The following WDR47 variants were observed in gnomAD, a reference collection of about 807,000 sequenced individuals.
WDR47 encodes WD repeat domain 47.
Under a neutral mutation model 97.2 loss-of-function variants are expected in WDR47, and 32 were observed. The observed-to-expected ratio is 0.33, with a 90% CI of 0.25 to 0.44. The LOEUF is 0.44. Among genes scored for constraint, WDR47 ranks in the 20% least tolerant of loss-of-function variants. The pLI, the probability that WDR47 is intolerant of heterozygous loss-of-function variation, is 1.00. For missense variants in WDR47, 782 were observed against 1,102.3 expected (o/e 0.71, Z 4.11); for synonymous variants, 375 against 373.5 (o/e 1.00, Z -0.05).
chr1:109,025,449 A>T (rs1017849622), intron 1 of WDR47, among the ~76,000 whole-genome samples: 2 of 121,720 alleles, frequency 1.6e-5, no homozygotes, highest in Admixed American at 8.4e-5. Flanking sequence ...AAAAAAAAAA[A>T]AGAAGGCTGG....
chr1:109,039,544 C>A (rs931093265), intron 1 of WDR47, among the ~76,000 whole-genome samples: 3 of 152,348 alleles, frequency 2.0e-5, no homozygotes, highest in African/African-American at 2.4e-5. Flanking sequence ...TGGCACAAGC[C>A]ACCACGCCCA....
At chr1:109,031,795 CTTT>C (rs56318868) in intron 1 of WDR47, among the ~76,000 whole-genome samples, 18 of 78,360 alleles carry the variant, frequency 2.3e-4, no homozygotes, top group Admixed American at 3.4e-4. Flanking sequence ...ATCTTTCTTT[CTTT>C]TTTTTTTTTT....
intron 1 of WDR47, among the ~76,000 whole-genome samples, chr1:109,032,821 C>T (rs1255061828): frequency 6.6e-6 from 1 of 151,780 alleles, no homozygotes; most frequent in Non-Finnish European, 1.5e-5. Context: ...TGCTTGAACC[C>T]GGGAGGTGGA....
At chr1:109,035,222 G>A (rs1427682183) in intron 1 of WDR47, among the ~76,000 whole-genome samples, 2 of 148,990 alleles carry the variant, frequency 1.3e-5, no homozygotes, top group East Asian at 4.0e-4. Context: ...CTCCAGCCTG[G>A]GCAAAAGAGT....
Position 109,011,359 on chromosome 1 carries a change from G to A in WDR47, c.687C>T (p.Ile229=), listed in dbSNP as rs776993780. Residue 229 remains isoleucine, a synonymous_variant, in exon 5 of 15, where the codon ATC becomes ATT. Transcript: ENST00000369962. ...EITESEVLLG[I]DLLCGNGCDD... ...CACAACCATTACCACATAAGAGGTCGATGCCAAGAAGCACTTCGCTTTCTG... is the reference window on the plus strand; with the variant it reads ...CACAACCATTACCACATAAGAGGTCAATGCCAAGAAGCACTTCGCTTTCTG... 2.1e-5 allele frequency: 34 copies of A among 1,614,076 alleles called. No individual in the cohort carries two copies. Among genetic ancestry groups the A allele is most frequent in the Middle Eastern group, 1.6e-4 (1 of 6,084 alleles).
At chr1:108,983,242 C>T in intron 11 of WDR47, 40 bp downstream of exon 11, 1 of 1,537,538 alleles carries the variant, frequency 6.5e-7, no homozygotes, top group East Asian at 2.4e-5. Flanking sequence ...ATAACATATA[C>T]ACTGGTAAGC....
rs182136164 is a variant in WDR47 at position 108,974,451 on chromosome 1, T to C, written c.2617+85A>G. ...CTATAAAATAATTGAAAGTATTATA[T>C]AATCAACCACATCACATTAACAAAA... On this transcript the variant is annotated intron_variant, in intron 14 of 14. Transcript: ENST00000369962. 2.9e-6 allele frequency: 3 copies of C among 1,032,190 alleles called. No individual in the cohort carries two copies. The East Asian group carries it at 7.8e-5, about 27-fold the overall frequency. 63.9% of individuals were successfully genotyped at this position (1,032,190 alleles called of 1,614,324 possible).
rs561357294 is a variant in WDR47 at position 108,975,577 on chromosome 1, C to T, written c.2399-823G>A. 3.3e-5 allele frequency among the ~76,000 whole-genome samples: 5 copies of T among 151,088 alleles called. No individual in the cohort carries two copies. The East Asian group carries it at 9.7e-4, about 29-fold the overall frequency. On this transcript the variant is annotated intron_variant, in intron 13 of 14. Transcript: ENST00000369962. Reference sequence around the variant, plus strand: ...CGGAGGTTGCAGTGAGCTGAGATTGCGCCACTGCACTCCAACCTGGGCGAC... The same window carrying T: ...CGGAGGTTGCAGTGAGCTGAGATTGTGCCACTGCACTCCAACCTGGGCGAC...
At chr1:108,971,880 G>A (rs771484904) in intron 14 of WDR47, among the ~76,000 whole-genome samples, 5 of 151,896 alleles carry the variant, frequency 3.3e-5, no homozygotes, top group Admixed American at 1.3e-4. Flanking sequence ...TCTTCTTGAC[G>A]TAAAGCTTGG....
chr1:108,975,012 C>CTA (rs1420118283), intron 13 of WDR47, among the ~76,000 whole-genome samples: 2 of 152,094 alleles, frequency 1.3e-5, no homozygotes, highest in Non-Finnish European at 2.9e-5. Context: ...ACAGCATCAC[C>CTA]TATAGTGCAA....
In WDR47 at chr1:109,010,624, C is replaced by T. The variant is rs1337115488; in HGVS notation, c.1130+292G>A. On this transcript the variant is annotated intron_variant, in intron 5 of 14. Transcript: ENST00000369962. Reference sequence around the variant, plus strand: ...TTGAGTCGGAGTCTCACTCTGTGGCCCAGGCCAGAGTGCAATGGCGTGATC... The same window carrying T: ...TTGAGTCGGAGTCTCACTCTGTGGCTCAGGCCAGAGTGCAATGGCGTGATC... Among the ~76,000 whole-genome samples, 4 of 149,780 alleles carry T rather than the reference C, an allele frequency of 2.7e-5. No homozygotes were observed. In the South Asian group the frequency reaches 8.5e-4, roughly 32 times the overall value.
At chr1:108,971,840 T>G (rs1657478524) in intron 14 of WDR47, among the ~76,000 whole-genome samples, 1 of 152,158 alleles carries the variant, frequency 6.6e-6, no homozygotes, top group Non-Finnish European at 1.5e-5. Flanking sequence ...CTGATTTCAG[T>G]GCCACTTCAT....
At chr1:108,985,579 A>G (rs1429679421) in intron 10 of WDR47, among the ~76,000 whole-genome samples, 2 of 152,340 alleles carry the variant, frequency 1.3e-5, no homozygotes, top group South Asian at 2.1e-4. Context: ...GCCAATAAAC[A>G]TGTTTGTTTT....
At chr1:109,004,522 T>C in intron 6 of WDR47, 70 bp downstream of exon 6, 1 of 1,482,662 alleles carries the variant, frequency 6.7e-7, no homozygotes, top group Non-Finnish European at 9.0e-7. Flanking sequence ...TCTTTTTACA[T>C]TCTAAGTAAA....
intron 1 of WDR47, among the ~76,000 whole-genome samples, chr1:109,028,698 G>C (rs572118006): frequency 4.0e-5 from 6 of 149,362 alleles, no homozygotes; most frequent in African/African-American, 9.9e-5. Context: ...TCATCCGCCC[G>C]CCTCAGCCTC....
At position 109,011,090 on chromosome 1, in the gene WDR47, C is replaced by T. The variant is rs1302900107; in HGVS notation, c.956G>A (p.Gly319Asp). ...ATGACTGGTTAGTCCACAGGTGAGG[C>T]CATCTAAAGCAGGATTCAGAGAGCG... ...MTRSLNPALD[G>D]LTCGLTSHDK... Residue 319 changes from glycine to aspartate, a missense_variant, in exon 5 of 15, where the codon GGC becomes GAC. Coordinates refer to ENST00000369962, the MANE Select transcript of WDR47 (RefSeq NM_001142551.2). The T allele has an allele frequency of 6.2e-7, 1 of 1,613,982 alleles. No individual in the cohort carries two copies. Among genetic ancestry groups the T allele is most frequent in the Admixed American group, 1.7e-5 (1 of 59,986 alleles).
chr1:108,985,728 T>A (rs1468223851), intron 10 of WDR47, among the ~76,000 whole-genome samples: 1 of 152,210 alleles, frequency 6.6e-6, no homozygotes, highest in African/African-American at 2.4e-5. Flanking sequence ...GAGAAACAGT[T>A]ACCTTAAGTT....
chr1:109,033,274 G>A (rs566985990), intron 1 of WDR47, among the ~76,000 whole-genome samples: 2 of 152,108 alleles, frequency 1.3e-5, no homozygotes, highest in Admixed American at 6.6e-5. Context: ...CAGCTTGGGC[G>A]ACAGAATGAG....
rs141300007 is a variant in WDR47, at chr1:109,024,710, G to A, written c.-9-1189C>T. Reference sequence around the variant, plus strand: ...CAGTTTTCAAATGTTAAGGTTCAGAGCAATGCAAAATACCACCACACTAGG... The same window carrying A: ...CAGTTTTCAAATGTTAAGGTTCAGAACAATGCAAAATACCACCACACTAGG... On this transcript the variant is annotated intron_variant, in intron 1 of 14. Coordinates refer to ENST00000369962, the MANE Select transcript of WDR47 (RefSeq NM_001142551.2). Among the ~76,000 whole-genome samples the A allele has an allele frequency of 1.8e-4, 27 of 152,304 alleles. No homozygotes were observed. The East Asian group carries it at 5.2e-3, about 29-fold the overall frequency.
Sources: gnomAD v4.1 joint callset for allele counts (sites outside exome capture counted in the v4.1 genomes callset) on GRCh38, gnomAD v4.1.1 for gene constraint, MANE v1.5 for transcripts, NCBI Gene and HGNC (gene_info 2026-07-23, HGNC 2026-07-21) for gene names.